The following UNC5C variants were observed in gnomAD, a reference collection of about 807,000 sequenced individuals.
UNC5C encodes the protein unc-5 netrin receptor C, also known as netrin receptor UNC5C.
Under a neutral mutation model 99.8 loss-of-function variants are expected in UNC5C, and 47 were observed. The ratio of observed to expected loss-of-function variants is 0.47; its 90% CI spans 0.37 to 0.60. The LOEUF is 0.60. UNC5C is among the 20% of genes least tolerant of loss of function. UNC5C has a pLI of 0.00. For missense variants in UNC5C, 1,062 were observed against 1,165.9 expected, an observed-to-expected ratio of 0.91 and a Z score of 1.30; for synonymous variants, 487 against 452.2, an observed-to-expected ratio of 1.08 and a Z score of -0.98.
At chr4:95,412,953 C>T (rs1746041132) in intron 1 of UNC5C, among the ~76,000 whole-genome samples, 2 of 152,160 alleles carry the variant, frequency 1.3e-5, no homozygotes, top group African/African-American at 4.8e-5. Flanking sequence ...TACTTTCCAT[C>T]TACATACCCA....
At chr4:95,519,324 G>A (rs1578205968) in intron 1 of UNC5C, among the ~76,000 whole-genome samples, 2 of 151,996 alleles carry the variant, frequency 1.3e-5, no homozygotes, top group East Asian at 3.9e-4. Context: ...ATCTGGAGGG[G>A]AAACCAGAGA....
chr4:95,302,332 G>A (rs181203959), intron 2 of UNC5C, among the ~76,000 whole-genome samples: 2 of 152,192 alleles, frequency 1.3e-5, no homozygotes, highest in East Asian at 3.9e-4. Flanking sequence ...AGCCCAAAAT[G>A]TTTCTCTGTA....
intron 3 of UNC5C, among the ~76,000 whole-genome samples, chr4:95,290,639 T>C (rs1000076237): frequency 4.6e-5 from 7 of 152,194 alleles, no homozygotes; most frequent in African/African-American, 1.7e-4. Context: ...AAGATTATGA[T>C]AGTTAACATG....
chr4:95,181,425 C>T (rs1290642155), intron 14 of UNC5C, among the ~76,000 whole-genome samples: 4 of 152,164 alleles, frequency 2.6e-5, no homozygotes. Flanking sequence ...TTTTAACACG[C>T]AGCCAATGTT....
At chr4:95,287,050 T>C (rs1277591473) in intron 3 of UNC5C, among the ~76,000 whole-genome samples, 1 of 152,222 alleles carries the variant, frequency 6.6e-6, no homozygotes, top group Non-Finnish European at 1.5e-5. Flanking sequence ...ACCTTAATGT[T>C]TCTTGTGGCC....
At chr4:95,372,262 G>A (rs1744770589) in intron 1 of UNC5C, among the ~76,000 whole-genome samples, 1 of 152,142 alleles carries the variant, frequency 6.6e-6, no homozygotes, top group South Asian at 2.1e-4. Context: ...GCATGCTGCA[G>A]GATATGGCTT....
intron 1 of UNC5C, among the ~76,000 whole-genome samples, chr4:95,423,077 A>T (rs1353693527): frequency 6.6e-6 from 1 of 152,196 alleles, no homozygotes; most frequent in African/African-American, 2.4e-5. Context: ...CCACTACCCC[A>T]GGGAATACCT....
intron 1 of UNC5C, among the ~76,000 whole-genome samples, chr4:95,495,001 G>A (rs904725020): frequency 6.6e-6 from 1 of 151,354 alleles, no homozygotes; most frequent in African/African-American, 2.4e-5. Context: ...TAACCAAAGT[G>A]ATACAGTTAT....
At chr4:95,220,653 T>C (rs1738437733) in intron 7 of UNC5C, among the ~76,000 whole-genome samples, 1 of 152,212 alleles carries the variant, frequency 6.6e-6, no homozygotes, top group South Asian at 2.1e-4. Flanking sequence ...AAAATGACTT[T>C]CCATAGCACT....
At chr4:95,198,840 G>A (rs1242454958) in intron 12 of UNC5C, among the ~76,000 whole-genome samples, 1 of 152,196 alleles carries the variant, frequency 6.6e-6, no homozygotes, top group Non-Finnish European at 1.5e-5. Context: ...AGGGAATGAC[G>A]TGAGGTTGTA....
chr4:95,301,216 G>A (rs866174927), intron 3 of UNC5C, among the ~76,000 whole-genome samples: 9 of 30,208 alleles, frequency 3.0e-4, no homozygotes, highest in African/African-American at 1.0e-3. Flanking sequence ...TTTTTTTTTT[G>A]AGACAGTCTT....
At chr4:95,171,161 T>G (rs1177484620) in intron 14 of UNC5C, among the ~76,000 whole-genome samples, 5 of 152,108 alleles carry the variant, frequency 3.3e-5, no homozygotes, top group African/African-American at 1.2e-4. Flanking sequence ...CTGGGAACTA[T>G]TAAAGCAATA....
In UNC5C at chr4:95,236,948, AC is replaced by A. The variant is rs1185215352; in HGVS notation, c.1108+5480del. ...TCCAAGGAGGATTGATTCCAGAACC[AC>A]CCCTGACCATCGACACCAAAATCAG... is the stretch of plus-strand genomic sequence containing the variant. On this transcript the variant is annotated intron_variant, in intron 7 of 15. Transcript: ENST00000453304. Among the ~76,000 whole-genome samples, 6 of 152,084 alleles carry A rather than the reference AC, an allele frequency of 3.9e-5. No homozygotes were observed. In the East Asian group the frequency reaches 9.7e-4, roughly 25 times the overall value.
chr4:95,311,710 G>A (rs1364670002), intron 2 of UNC5C, among the ~76,000 whole-genome samples: 1 of 152,114 alleles, frequency 6.6e-6, no homozygotes, highest in Non-Finnish European at 1.5e-5. Flanking sequence ...TATGTGACAA[G>A]AACTTTTCTT....
intron 1 of UNC5C, among the ~76,000 whole-genome samples, chr4:95,461,228 A>G (rs1179990879): frequency 6.6e-6 from 1 of 152,324 alleles, no homozygotes; most frequent in East Asian, 1.9e-4. Flanking sequence ...CAAGGCATGC[A>G]ATGTATAATA....
intron 1 of UNC5C, among the ~76,000 whole-genome samples, chr4:95,400,808 G>A (rs1311291852): frequency 6.6e-6 from 1 of 152,190 alleles, no homozygotes; most frequent in Admixed American, 6.5e-5. Flanking sequence ...ACCAACAGCT[G>A]CATTGCAGCC....
Position 95,232,196 on chromosome 4 carries a change from ATAT to A in UNC5C, c.1108+10230_1108+10232del, listed in dbSNP as rs1331658170. On this transcript the variant is annotated intron_variant, in intron 7 of 15. Coordinates refer to ENST00000453304, the MANE Select transcript of UNC5C (RefSeq NM_003728.4). ...TGTTTTTATATGTGTTATATAAACT[ATAT>A]TATGTTTTATATAAGTGTTATATAA... 3.3e-5 allele frequency among the ~76,000 whole-genome samples: 5 copies of A among 151,316 alleles called. No individual in the cohort carries two copies. In the East Asian group the frequency reaches 9.6e-4, roughly 29 times the overall value.
rs767444529 is a variant in UNC5C at position 95,418,757 on chromosome 4, A to G, written c.125-83126T>C. On this transcript the variant is annotated intron_variant, in intron 1 of 15. Coordinates refer to ENST00000453304, the MANE Select transcript of UNC5C (RefSeq NM_003728.4). Reference sequence around the variant, plus strand: ...TGAAGCTTTCAGTGGTAATAAAAAAATATCCAACTTTCTTTAGAAAGATGA... The same window carrying G: ...TGAAGCTTTCAGTGGTAATAAAAAAGTATCCAACTTTCTTTAGAAAGATGA... Among the ~76,000 whole-genome samples, 5 of 152,218 alleles carry G rather than the reference A, an allele frequency of 3.3e-5. No homozygotes were observed. In the South Asian group the frequency reaches 1.0e-3, roughly 32 times the overall value.
chr4:95,214,908 A>G (rs1484159745), intron 10 of UNC5C, among the ~76,000 whole-genome samples: 13 of 152,214 alleles, frequency 8.5e-5, no homozygotes, highest in Non-Finnish European at 7.3e-5. Flanking sequence ...ATTGGGAATG[A>G]AAAAAATGAA....
Sources: allele counts gnomAD v4.1 joint callset (sites outside exome capture counted in the v4.1 genomes callset), GRCh38; gene constraint gnomAD v4.1.1; transcripts MANE v1.5; gene names NCBI Gene and HGNC (gene_info 2026-07-23, HGNC 2026-07-21).